SERP2: variants seen among roughly 807,000 people sequenced by gnomAD.
SERP2 encodes stress associated endoplasmic reticulum protein family member 2.
A neutral mutation model predicts 9.1 loss-of-function variants in SERP2; 6 were observed. The observed-to-expected ratio is 0.66, with a 90% CI of 0.36 to 1.30. The LOEUF (loss-of-function observed/expected upper bound fraction) is 1.30. Ranked by LOEUF, SERP2 falls within the 50% of genes most tolerant of loss-of-function variation. SERP2 has a pLI of 0.03. For synonymous variants in SERP2, 37 were observed against 27.3 expected (o/e 1.35, Z -1.10); for missense variants, 58 against 81.9 (o/e 0.71, Z 1.13).
intron 2 of SERP2, chr13:44,390,296 T>TGCC: frequency 1.1e-5 from 2 of 188,776 alleles, no homozygotes; most frequent in South Asian, 5.1e-5. Flanking sequence ...GCCACCGGTG[T>TGCC]CCCCACCCAC....
chr13:44,376,249 G>A (rs998270528), intron 1 of SERP2, among the ~76,000 whole-genome samples: 6 of 152,178 alleles, frequency 3.9e-5, no homozygotes, highest in Non-Finnish European at 5.9e-5. Context: ...TAAATCTCAT[G>A]TTCTCAATTA....
intron 2 of SERP2, among the ~76,000 whole-genome samples, chr13:44,382,772 G>C (rs978844741): frequency 2.0e-5 from 3 of 152,194 alleles, no homozygotes; most frequent in African/African-American, 7.2e-5. Context: ...ATCATGTCTT[G>C]AGGGTCCCCT....
At chr13:44,392,967 G>A (rs1482437406) in intron 2 of SERP2, among the ~76,000 whole-genome samples, 1 of 152,132 alleles carries the variant, frequency 6.6e-6, no homozygotes, top group East Asian at 1.9e-4. Flanking sequence ...AACAAGTTTA[G>A]AGGAAAGATC....
chr13:44,373,995 G>C lies in SERP2; in HGVS notation c.-31G>C. ...AGGAGCTAACGCAGGGGGAATCCTT[G>C]CAGGTGGGAGCATTTCAGAGCGCAC... On this transcript the variant is annotated 5_prime_UTR_variant, in exon 1 of 3. Transcript: ENST00000379179. The surrounding 1 kb of genome is among the most constrained non-coding windows in gnomAD (Gnocchi z 4.8). 1 of 1,572,350 alleles carries C rather than the reference G, an allele frequency of 6.4e-7. No individual in the cohort carries two copies. The highest frequency in any genetic ancestry group is 8.7e-7 in the Non-Finnish European group (1 of 1,155,818).
At chr13:44,393,646 A>T (rs1250207485) in intron 2 of SERP2, among the ~76,000 whole-genome samples, 1 of 151,912 alleles carries the variant, frequency 6.6e-6, no homozygotes, top group African/African-American at 2.4e-5. Context: ...AGCTTTGTTC[A>T]CCCACTGTTA....
At chr13:44,394,020 T>C (rs962166777) in intron 2 of SERP2, among the ~76,000 whole-genome samples, 2 of 152,254 alleles carry the variant, frequency 1.3e-5, no homozygotes, top group Non-Finnish European at 2.9e-5. Context: ...GATTCAATTA[T>C]GATCAGGAAT....
intron 2 of SERP2, chr13:44,390,296 T>TTCC: frequency 5.3e-6 from 1 of 188,776 alleles, no homozygotes. Flanking sequence ...GCCACCGGTG[T>TTCC]CCCCACCCAC....
intron 2 of SERP2, among the ~76,000 whole-genome samples, chr13:44,396,932 C>G (rs1019065818): frequency 2.0e-5 from 3 of 152,202 alleles, no homozygotes; most frequent in Admixed American, 6.5e-5. Flanking sequence ...AGTTTCTGCA[C>G]GAAAGCCCAT....
rs1871461023 is a variant in SERP2 at position 44,373,968 on chromosome 13, G to A, written c.-58G>A. The stretch of plus-strand genomic sequence containing the variant: ...TCGGCGGGACGCGCTCGGCCCTGTC[G>A]CAGGAGCTAACGCAGGGGGAATCCT... On this transcript the variant is annotated 5_prime_UTR_variant, in exon 1 of 3. Transcript: ENST00000379179. This position sits in a 1 kb window ranked among gnomAD's most constrained non-coding sequence, Gnocchi z 4.8. 1.3e-6 allele frequency: 2 copies of A among 1,483,188 alleles called. No homozygotes were observed. Among genetic ancestry groups the A allele is most frequent in the South Asian group, 1.2e-5 (1 of 82,774 alleles). The allele number at this position is 1,483,188 out of a possible 1,614,324, so 91.9% of individuals were successfully genotyped here.
At position 44,397,449 on chromosome 13, in the gene SERP2, T is replaced by C; in HGVS notation, c.*137T>C. On this transcript the variant is annotated 3_prime_UTR_variant, in exon 3 of 3. Transcript: ENST00000379179. ...CTCCCCCACTTGTTCCCTGATCACTTCATCGTGGATGTCAGACCAAATTGC... is the reference window on the plus strand; with the variant it reads ...CTCCCCCACTTGTTCCCTGATCACTCCATCGTGGATGTCAGACCAAATTGC... 1.5e-6 allele frequency: 1 copy of C among 687,812 alleles called. No individual in the cohort carries two copies. The highest frequency in any genetic ancestry group is 2.6e-6 in the Non-Finnish European group (1 of 389,572). The allele number at this position is 687,812 out of a possible 1,614,324, so 42.6% of individuals were successfully genotyped here.
intron 2 of SERP2, chr13:44,395,745 G>A: frequency 2.2e-6 from 1 of 454,418 alleles, no homozygotes; most frequent in South Asian, 1.6e-5. Context: ...ACACTCACAT[G>A]GAGCTGATTG....
intron 2 of SERP2, among the ~76,000 whole-genome samples, chr13:44,388,697 A>T (rs561118158): frequency 6.6e-6 from 1 of 152,340 alleles, no homozygotes; most frequent in African/African-American, 2.4e-5. Context: ...GAGTGAGATC[A>T]TGTCACAGAC....
intron 2 of SERP2, among the ~76,000 whole-genome samples, chr13:44,392,881 G>A (rs970735366): frequency 2.6e-5 from 4 of 152,144 alleles, no homozygotes; most frequent in African/African-American, 9.7e-5. Context: ...AAGAACGTAA[G>A]GAGAAGAAAG....
intron 2 of SERP2, among the ~76,000 whole-genome samples, chr13:44,391,725 T>A (rs1872780709): frequency 6.6e-6 from 1 of 152,162 alleles, no homozygotes; most frequent in Non-Finnish European, 1.5e-5. Context: ...ACTCCAGGGT[T>A]TGGGGGGAAG....
chr13:44,381,531 G>C (rs530284189), intron 2 of SERP2, among the ~76,000 whole-genome samples: 1 of 152,328 alleles, frequency 6.6e-6, no homozygotes, highest in Admixed American at 6.5e-5. Flanking sequence ...AACTGAGCGA[G>C]ACTGCGTCTC....
upstream of SERP2, chr13:44,373,777 G>A: frequency 2.2e-6 from 1 of 453,702 alleles, no homozygotes; most frequent in Non-Finnish European, 3.9e-6. The surrounding 1 kb of genome is among the most constrained non-coding windows in gnomAD (Gnocchi z 4.8). Flanking sequence ...TGCGGGGACC[G>A]GAAGGATGGC....
At chr13:44,385,306 G>A (rs1872250280) in intron 2 of SERP2, among the ~76,000 whole-genome samples, 1 of 152,142 alleles carries the variant, frequency 6.6e-6, no homozygotes, top group Non-Finnish European at 1.5e-5. Flanking sequence ...ATGAGGACTG[G>A]GAGAGTAGTG....
At chr13:44,392,264 T>G (rs1872826360) in intron 2 of SERP2, among the ~76,000 whole-genome samples, 2 of 108,942 alleles carry the variant, frequency 1.8e-5, no homozygotes. Context: ...CATGAGGGAG[T>G]ACCCCAAGCA....
chr13:44,389,168 T>C (rs1305479105), intron 2 of SERP2, among the ~76,000 whole-genome samples: 2 of 152,206 alleles, frequency 1.3e-5, no homozygotes, highest in Non-Finnish European at 2.9e-5. Context: ...CTGTATTTTG[T>C]GGCGTATTGG....
Sources: allele counts gnomAD v4.1 joint callset (sites outside exome capture counted in the v4.1 genomes callset), GRCh38; gene constraint gnomAD v4.1.1; non-coding constraint Gnocchi (gnomAD v3.1); transcripts MANE v1.5; gene names NCBI Gene and HGNC (gene_info 2026-07-23, HGNC 2026-07-21).